STAT3: variants seen among roughly 807,000 people sequenced by gnomAD.
STAT3 encodes the protein DNA-binding protein APRF.
STAT3 carries 7 observed loss-of-function variants against 114.3 expected under a neutral mutation model. The ratio of observed to expected loss-of-function variants is 0.06; its 90% CI spans 0.03 to 0.11. The LOEUF (loss-of-function observed/expected upper bound fraction) is 0.11, where lower values mean the gene tolerates loss of function less well. Among genes scored for constraint, STAT3 ranks in the 10% least tolerant of loss-of-function variants. STAT3 has a pLI of 1.00. For synonymous variants in STAT3, 331 were observed against 354.5 expected, an observed-to-expected ratio of 0.93 and a Z score of 0.74; for missense variants, 364 against 960.9, an observed-to-expected ratio of 0.38 and a Z score of 8.21.
At chr17:42,340,975 G>C (rs1280952605) in intron 4 of STAT3, among the ~76,000 whole-genome samples, 1 of 152,188 alleles carries the variant, frequency 6.6e-6, no homozygotes, top group East Asian at 1.9e-4. Flanking sequence ...GGGGTGGGGT[G>C]GGGGTGCTGC....
chr17:42,331,727 A>G (rs1054509573), intron 10 of STAT3, among the ~76,000 whole-genome samples, 196 bp from the exon 11 acceptor site: 2 of 152,180 alleles, frequency 1.3e-5, no homozygotes, highest in Non-Finnish European at 2.9e-5. Context: ...CAGGAGTTCC[A>G]TAACAGTCTG....
intron 1 of STAT3, among the ~76,000 whole-genome samples, chr17:42,360,998 G>A (rs549420839): frequency 6.6e-5 from 10 of 152,288 alleles, no homozygotes; most frequent in African/African-American, 1.9e-4. Flanking sequence ...AAATCTGTAC[G>A]AGAAAGGATA....
intron 1 of STAT3, among the ~76,000 whole-genome samples, chr17:42,349,399 C>A (rs1432021932): frequency 1.3e-5 from 2 of 152,186 alleles, no homozygotes; most frequent in Non-Finnish European, 2.9e-5. Flanking sequence ...CTTTCTTTCT[C>A]CTCCACAGCC....
chr17:42,350,688 G>A (rs1170015194), intron 1 of STAT3, among the ~76,000 whole-genome samples: 1 of 152,166 alleles, frequency 6.6e-6, no homozygotes, highest in Non-Finnish European at 1.5e-5. Flanking sequence ...AAGACGGCTG[G>A]TGGAGCTCTC....
intron 1 of STAT3, among the ~76,000 whole-genome samples, chr17:42,353,837 G>C (rs1163577901): frequency 1.3e-5 from 2 of 152,066 alleles, no homozygotes; most frequent in Non-Finnish European, 2.9e-5. Flanking sequence ...GCCTCCCAAA[G>C]TGCTGGGACT....
In STAT3 at chr17:42,324,645, C is replaced by A. The variant is rs2081624358; in HGVS notation, c.1600+66G>T. On this transcript the variant is annotated intron_variant, in intron 17 of 23. Coordinates refer to ENST00000264657, the MANE Select transcript of STAT3 (RefSeq NM_139276.3). This position sits in a 1 kb window ranked among gnomAD's most constrained non-coding sequence, Gnocchi z 4.5. ...GCTCAGTAGACATGGCCCAAATGAA[C>A]AGCCCTATGGGCCGGATCCCTTTTC... 1 of 1,521,146 alleles carries A rather than the reference C, an allele frequency of 6.6e-7. No homozygotes were observed. Among genetic ancestry groups the A allele is most frequent in the Non-Finnish European group, 8.8e-7 (1 of 1,133,094 alleles). 94.2% of individuals were successfully genotyped at this position (1,521,146 alleles called of 1,614,324 possible).
chr17:42,323,443 G>A, intron 18 of STAT3, 89 bp from the exon 19 acceptor site: 2 of 1,562,974 alleles, frequency 1.3e-6, no homozygotes, highest in South Asian at 1.1e-5. Flanking sequence ...AAATCCTCAG[G>A]CCCGTCTACC....
chr17:42,313,379 C>CAAAAAAAAAAAAAAAAAAAAAAAAAAAAA lies in STAT3; in HGVS notation c.*2365_*2366insTTTTTTTTTTTTTTTTTTTTTTTTTTTTT, dbSNP rs397857989. On this transcript the variant is annotated 3_prime_UTR_variant, in exon 24 of 24. Coordinates refer to ENST00000264657, the MANE Select transcript of STAT3 (RefSeq NM_139276.3). The stretch of plus-strand genomic sequence containing the variant: ...AGTTAAAGTAGATACAGCAATATAC[C>CAAAAAAAAAAAAAAAAAAAAAAAAAAAAA]AAAAAAAAAAAAAAAAAAAAAAGAC... The CAAAAAAAAAAAAAAAAAAAAAAAAAAAAA allele has an allele frequency of 2.4e-5, 2 of 83,024 alleles. No individual in the cohort carries two copies. Among genetic ancestry groups the CAAAAAAAAAAAAAAAAAAAAAAAAAAAAA allele is most frequent in the Non-Finnish European group, 4.5e-5 (2 of 44,918 alleles). The allele number at this position is 83,024 out of a possible 1,614,324, so 5.1% of individuals were successfully genotyped here.
chr17:42,322,949 AGTG>A (rs2081542109), intron 20 of STAT3, 52 bp downstream of exon 20: 1 of 1,612,126 alleles, frequency 6.2e-7, no homozygotes, highest in Non-Finnish European at 8.5e-7. Flanking sequence ...AACTAGAAGC[AGTG>A]ATGAGGCCTC....
intron 1 of STAT3, 84 bp from the exon 2 acceptor site, chr17:42,348,623 T>A (rs1035402048): frequency 1.3e-6 from 2 of 1,520,654 alleles, no homozygotes; most frequent in Non-Finnish European, 1.8e-6. Context: ...AACACAGGTG[T>A]CAGGTCTGTG....
At chr17:42,345,440 A>G in intron 4 of STAT3, 119 bp downstream of exon 4, 1 of 845,510 alleles carries the variant, frequency 1.2e-6, no homozygotes. Flanking sequence ...TTTTATGATT[A>G]TTGATCTATT....
chr17:42,348,344 A>C (rs1181420416), intron 2 of STAT3, 45 bp downstream of exon 2: 2 of 1,613,110 alleles, frequency 1.2e-6, no homozygotes, highest in Admixed American at 1.7e-5. Flanking sequence ...CTCTTGACTC[A>C]AACTGAAACC....
intron 1 of STAT3, among the ~76,000 whole-genome samples, chr17:42,357,807 T>TACACTTATATAGTAAGC (rs1236684306): frequency 3.9e-4 from 59 of 152,310 alleles, no homozygotes; most frequent in African/African-American, 1.3e-3. Context: ...TCAAAATAAG[T>TACACTTATATAGTAAGC]ACACTTATAT....
chr17:42,386,796 TAG>T (rs965660888), intron 1 of STAT3: 4 of 152,338 alleles, frequency 2.6e-5, no homozygotes, highest in African/African-American at 7.2e-5. Flanking sequence ...TGTGCTAATA[TAG>T]AGACTAAAAT....
At chr17:42,373,384 T>G (rs545596106) in intron 1 of STAT3, among the ~76,000 whole-genome samples, 6 of 150,070 alleles carry the variant, frequency 4.0e-5, no homozygotes, top group African/African-American at 1.5e-4. Flanking sequence ...AAAACACGTA[T>G]CTACTAAAAT....
chr17:42,330,991 G>A (rs987053565), intron 11 of STAT3, among the ~76,000 whole-genome samples: 4 of 152,072 alleles, frequency 2.6e-5, no homozygotes, highest in South Asian at 2.1e-4. Context: ...AATTGCCTAC[G>A]GTATTCAGCA....
Position 42,330,888 on chromosome 17 carries a change from G to A in STAT3, c.1109+584C>T, listed in dbSNP as rs548850082. On this transcript the variant is annotated intron_variant, in intron 11 of 23. Transcript: ENST00000264657. ...GCTATGTATGGAAAGAATATATAAC[G>A]ACGTTTCGGTCAACAACAAAATGCA... is the stretch of plus-strand genomic sequence containing the variant. Among the ~76,000 whole-genome samples, 4 of 152,138 alleles carry A rather than the reference G, an allele frequency of 2.6e-5. No individual in the cohort carries two copies. The South Asian group carries it at 8.3e-4, about 31-fold the overall frequency.
rs572754566 is a variant in STAT3, at chr17:42,353,503, TA to T, written c.-23-4965del. 3.1e-3 allele frequency among the ~76,000 whole-genome samples: 464 copies of T among 151,172 alleles called. 3 individuals carry two copies. Among genetic ancestry groups the T allele is most frequent in the African/African-American group, 0.01 (426 of 41,318 alleles). ...TGTAGCCAAAAAGCGGTGGTTCTCC[TA>T]AAAAAAAATGATTTAAAAAAAGAAC... is the stretch of plus-strand genomic sequence containing the variant. On this transcript the variant is annotated intron_variant, in intron 1 of 23. Coordinates refer to ENST00000264657, the MANE Select transcript of STAT3 (RefSeq NM_139276.3).
At chr17:42,325,808 C>T (rs1020390270) in intron 15 of STAT3, among the ~76,000 whole-genome samples, 20 of 152,058 alleles carry the variant, frequency 1.3e-4, no homozygotes, top group Admixed American at 3.9e-4. Flanking sequence ...GTGATCCACC[C>T]GCCTCAGCCT....
Sources: gnomAD v4.1 joint callset for allele counts (sites outside exome capture counted in the v4.1 genomes callset) on GRCh38, gnomAD v4.1.1 for gene constraint, Gnocchi (gnomAD v3.1) non-coding constraint, MANE v1.5 for transcripts, NCBI Gene and HGNC (gene_info 2026-07-23, HGNC 2026-07-21) for gene names.